The following CARMIL2 variants were observed in gnomAD, a reference collection of about 807,000 sequenced individuals.
CARMIL2 encodes the protein capping protein regulator and myosin 1 linker 2.
CARMIL2 carries 96 observed loss-of-function variants against 173.3 expected under a neutral mutation model. That is an observed-to-expected ratio of 0.55 (90% CI 0.47 to 0.66). The LOEUF is 0.66. Ranked by LOEUF, CARMIL2 falls within the 30% of genes least tolerant of loss-of-function variation. The pLI is 0.00. For missense variants in CARMIL2, 1,771 were observed against 1,906.7 expected (o/e 0.93, Z 1.33); for synonymous variants, 830 against 817.1 (o/e 1.02, Z -0.27).
chr16:67,654,311 C>T, intron 30 of CARMIL2, 21 bp from the exon 31 acceptor site: 2 of 1,584,528 alleles, frequency 1.3e-6, no homozygotes, highest in Non-Finnish European at 8.6e-7. Flanking sequence ...CTTTCTCGCT[C>T]ACTGCTGGGT....
chr16:67,648,637 G>A lies in CARMIL2; in HGVS notation c.1440-48G>A, dbSNP rs1234602686. 1 of 1,559,544 alleles carries A rather than the reference G, an allele frequency of 6.4e-7. No individual in the cohort carries two copies. On this transcript the variant is annotated intron_variant, in intron 15 of 37. Transcript: ENST00000334583. The surrounding 1 kb of genome is among the most constrained non-coding windows in gnomAD (Gnocchi z 6.1). ...CCCTGCCTCCTTCGTTCGCACCCTGGAGCCCCCTGTCCCAGCTCCCGCCAC... is the reference window on the plus strand; with the variant it reads ...CCCTGCCTCCTTCGTTCGCACCCTGAAGCCCCCTGTCCCAGCTCCCGCCAC...
intron 1 of CARMIL2, 88 bp from the exon 2 acceptor site, chr16:67,645,452 G>C: frequency 7.2e-7 from 1 of 1,397,648 alleles, no homozygotes; most frequent in Non-Finnish European, 9.9e-7. Flanking sequence ...CCGCAGATAA[G>C]CCCCAGGGCC....
chr16:67,651,657 C>T lies in CARMIL2; in HGVS notation c.2428-28C>T, dbSNP rs1175348409. 4 of 1,600,710 alleles carry T rather than the reference C, an allele frequency of 2.5e-6. No individual in the cohort carries two copies. The highest frequency in any genetic ancestry group is 3.4e-6 in the Non-Finnish European group (4 of 1,174,318). ...GCAGCCTGGTGTCTGGCCACATCCT[C>T]ACCATGCTCTGACTGACCTTTGTCT... On this transcript the variant is annotated intron_variant, in intron 24 of 37. Transcript: ENST00000334583. The surrounding 1 kb of genome is among the most constrained non-coding windows in gnomAD (Gnocchi z 4.2).
In CARMIL2 at chr16:67,649,441, C is replaced by A; in HGVS notation, c.1747-6C>A. The A allele has an allele frequency of 6.8e-6, 11 of 1,612,112 alleles. No homozygotes were observed. The highest frequency in any genetic ancestry group is 9.3e-6 in the Non-Finnish European group (11 of 1,179,886). On this transcript the variant is annotated splice_region_variant and splice_polypyrimidine_tract_variant and intron_variant, in intron 19 of 37. Coordinates refer to ENST00000334583, the MANE Select transcript of CARMIL2 (RefSeq NM_001013838.3). This position sits in a 1 kb window ranked among gnomAD's most constrained non-coding sequence, Gnocchi z 6.7. ...CCAGCCATCAATGGCTTTCTCTTAA[C>A]CCCAGCCTCTTCAGTCTCTGTCGGT...
In CARMIL2 at chr16:67,654,292, C is replaced by T. The variant is rs542264498; in HGVS notation, c.3222-40C>T. ...GCTGGGGGTGGGAGAGGGTGGGATGCCTGATGGGCTTTCTCGCTCACTGCT... is the reference window on the plus strand; with the variant it reads ...GCTGGGGGTGGGAGAGGGTGGGATGTCTGATGGGCTTTCTCGCTCACTGCT... On this transcript the variant is annotated intron_variant, in intron 30 of 37. Coordinates refer to ENST00000334583, the MANE Select transcript of CARMIL2 (RefSeq NM_001013838.3). The T allele has an allele frequency of 4.4e-6, 7 of 1,577,270 alleles. No homozygotes were observed. The Admixed American group carries it at 5.5e-5, about 12-fold the overall frequency.
rs1320402339 is a variant in CARMIL2, at chr16:67,654,589, C to T, written c.3479C>T (p.Pro1160Leu). 6.2e-7 allele frequency: 1 copy of T among 1,608,172 alleles called. No homozygotes were observed. The highest frequency in any genetic ancestry group is 8.5e-7 in the Non-Finnish European group (1 of 1,177,040). ...GAGGGGGACACCAGCAGCCCTGACC[C>T]TGCCGGCAGGAGCCGACCTCGCTAC... ...GAEGDTSSPD[P>L]AGRSRPRYTR... The change falls in exon 31 of 38, where the codon CCT becomes CTT. Residue 1160 changes from proline to leucine, a missense_variant. Around this residue, in one of 3 missense-constraint regions of CARMIL2, gnomAD observed 817 missense variants for 903.5 expected, o/e 0.90. Coordinates refer to ENST00000334583, the MANE Select transcript of CARMIL2 (RefSeq NM_001013838.3).
chr16:67,645,156 T>G lies in CARMIL2; in HGVS notation c.-91T>G. ...CCGCCGGAGGAGCAGGTGGCTGCCG[T>G]GCGGGTCTGGGCCCCAGGCTTCCTG... On this transcript the variant is annotated 5_prime_UTR_variant, in exon 1 of 38. Coordinates refer to ENST00000334583, the MANE Select transcript of CARMIL2 (RefSeq NM_001013838.3). 4.1e-6 allele frequency: 4 copies of G among 975,816 alleles called. No individual in the cohort carries two copies. Among genetic ancestry groups the G allele is most frequent in the Non-Finnish European group, 6.0e-6 (4 of 672,182 alleles). The allele number at this position is 975,816 out of a possible 1,614,324, so 60.4% of individuals were successfully genotyped here.
Position 67,652,338 on chromosome 16 carries a change from A to G in CARMIL2, c.2816A>G (p.Lys939Arg), listed in dbSNP as rs2052741915. The G allele has an allele frequency of 1.9e-6, 3 of 1,613,248 alleles. No individual in the cohort carries two copies. Among genetic ancestry groups the G allele is most frequent in the Admixed American group, 1.7e-5 (1 of 60,000 alleles). Residue 939 changes from lysine (K) to arginine (R), a missense_variant and splice_region_variant, in exon 27 of 38, where the codon AAG (lysine) becomes AGG (arginine). Around this residue, in one of 3 missense-constraint regions of CARMIL2, gnomAD observed 817 missense variants for 903.5 expected, o/e 0.90. Transcript: ENST00000334583. This position sits in a 1 kb window ranked among gnomAD's most constrained non-coding sequence, Gnocchi z 4.7. ...FPEEKEEEKE[K>R]DDSPPQKWPE... Reference sequence around the variant, plus strand: ...GAGGAGAAGGAAGAGGAGAAGGAGAAGGTAAGTGGTTTTAGAACACGGGGC... The same window carrying G: ...GAGGAGAAGGAAGAGGAGAAGGAGAGGGTAAGTGGTTTTAGAACACGGGGC...
Position 67,649,717 on chromosome 16 carries a change from G to T in CARMIL2, c.1920-89G>T. ...GGGACTGAATGAGGCGGAGCAAATG[G>T]AGCAGGCTGACGAGGCGAATGGACT... On this transcript the variant is annotated intron_variant, in intron 20 of 37. Coordinates refer to ENST00000334583, the MANE Select transcript of CARMIL2 (RefSeq NM_001013838.3). The surrounding 1 kb of genome is among the most constrained non-coding windows in gnomAD (Gnocchi z 6.7). 2 of 1,567,436 alleles carry T rather than the reference G, an allele frequency of 1.3e-6. No homozygotes were observed. Among genetic ancestry groups the T allele is most frequent in the Non-Finnish European group, 8.6e-7 (1 of 1,156,370 alleles).
intron 12 of CARMIL2, 30 bp downstream of exon 12, chr16:67,647,796 A>AGG (rs1382370895): frequency 3.2e-5 from 5 of 156,798 alleles, no homozygotes; most frequent in African/African-American, 2.1e-4. Context: ...GGGTGAGGGG[A>AGG]GGGGGGTGGG....
Position 67,645,154 on chromosome 16 carries a change from C to T in CARMIL2, c.-93C>T. ...CGCCGCCGGAGGAGCAGGTGGCTGCCGTGCGGGTCTGGGCCCCAGGCTTCC... is the reference window on the plus strand; with the variant it reads ...CGCCGCCGGAGGAGCAGGTGGCTGCTGTGCGGGTCTGGGCCCCAGGCTTCC... On this transcript the variant is annotated 5_prime_UTR_variant, in exon 1 of 38. Transcript: ENST00000334583. The T allele has an allele frequency of 1.1e-6, 1 of 931,106 alleles. No homozygotes were observed. The highest frequency in any genetic ancestry group is 1.7e-5 in the South Asian group (1 of 59,782). The allele number at this position is 931,106 out of a possible 1,614,324, so 57.7% of individuals were successfully genotyped here.
In CARMIL2 at chr16:67,651,682, T is replaced by C. The variant is rs775047408; in HGVS notation, c.2428-3T>C. The C allele has an allele frequency of 6.0e-5, 96 of 1,605,498 alleles. No individual in the cohort carries two copies. The highest frequency in any genetic ancestry group is 7.0e-5 in the Non-Finnish European group (82 of 1,176,774). On this transcript the variant is annotated splice_region_variant and splice_polypyrimidine_tract_variant and intron_variant, in intron 24 of 37. Transcript: ENST00000334583. This position sits in a 1 kb window ranked among gnomAD's most constrained non-coding sequence, Gnocchi z 4.2. ...CACCATGCTCTGACTGACCTTTGTC[T>C]AGGACTTCACTCAGGCCACACTGGA...
At chr16:67,656,364 G>A (rs1597762468) in intron 34 of CARMIL2, 60 bp from the exon 35 acceptor site, 38 of 1,608,974 alleles carry the variant, frequency 2.4e-5, no homozygotes, top group Non-Finnish European at 3.1e-5. Context: ...GGGTCAGACT[G>A]TTGTTCAGAC....
chr16:67,649,194 G>C lies in CARMIL2; in HGVS notation c.1688+22G>C. 3.1e-6 allele frequency: 5 copies of C among 1,612,758 alleles called. No homozygotes were observed. Among genetic ancestry groups the C allele is most frequent in the Non-Finnish European group, 4.2e-6 (5 of 1,179,416 alleles). ...GCAAGTGAGCCCCCACCCTACTCCTGGGCCTCCCAGACAACACCCCACCAC... is the reference window on the plus strand; with the variant it reads ...GCAAGTGAGCCCCCACCCTACTCCTCGGCCTCCCAGACAACACCCCACCAC... On this transcript the variant is annotated intron_variant, in intron 18 of 37. Transcript: ENST00000334583. The surrounding 1 kb of genome is among the most constrained non-coding windows in gnomAD (Gnocchi z 6.7).
In CARMIL2 at chr16:67,646,700, T is replaced by C; in HGVS notation, c.467-14T>C. On this transcript the variant is annotated splice_polypyrimidine_tract_variant and intron_variant, in intron 6 of 37. Coordinates refer to ENST00000334583, the MANE Select transcript of CARMIL2 (RefSeq NM_001013838.3). The surrounding 1 kb of genome is among the most constrained non-coding windows in gnomAD (Gnocchi z 4.6). The stretch of plus-strand genomic sequence containing the variant: ...TCTCTCCTTTTCCACATCGCACCCC[T>C]ATCCCCTCCCCAGGTGGCTTCTTGG... 3 of 1,613,606 alleles carry C rather than the reference T, an allele frequency of 1.9e-6. No individual in the cohort carries two copies. Among genetic ancestry groups the C allele is most frequent in the Non-Finnish European group, 1.7e-6 (2 of 1,179,576 alleles).
rs2052647483 is a variant in CARMIL2 at position 67,648,566 on chromosome 16, C to A, written c.1439+64C>A. On this transcript the variant is annotated intron_variant, in intron 15 of 37. Coordinates refer to ENST00000334583, the MANE Select transcript of CARMIL2 (RefSeq NM_001013838.3). The surrounding 1 kb of genome is among the most constrained non-coding windows in gnomAD (Gnocchi z 6.1). ...CCACCCTGCCCTGGCCTTCGCCCCTCCCCGCTCCTGCTTCTGTCGCTCCCA... is the reference window on the plus strand; with the variant it reads ...CCACCCTGCCCTGGCCTTCGCCCCTACCCGCTCCTGCTTCTGTCGCTCCCA... 1.4e-6 allele frequency: 2 copies of A among 1,463,996 alleles called. No individual in the cohort carries two copies. The highest frequency in any genetic ancestry group is 1.9e-6 in the Non-Finnish European group (2 of 1,078,690). The allele number at this position is 1,463,996 out of a possible 1,614,324, so 90.7% of individuals were successfully genotyped here.
Position 67,645,609 on chromosome 16 carries a change from G to A in CARMIL2, c.110G>A (p.Gly37Asp). The change falls in exon 2 of 38, where the codon GGT (glycine) becomes GAT (aspartate). Residue 37 changes from glycine to aspartate, a missense_variant. This residue lies in a region of CARMIL2 where 944 missense variants were observed against 975.6 expected (regional missense o/e 0.97). Coordinates refer to ENST00000334583, the MANE Select transcript of CARMIL2 (RefSeq NM_001013838.3). ...LLLKTWLPGE[G>D]AVQNHVLALL... The stretch of plus-strand genomic sequence containing the variant: ...CTGAAAACCTGGCTACCCGGGGAGG[G>A]TGCTGTGCAAAACCATGTCCTGGTA... 2 of 1,613,588 alleles carry A rather than the reference G, an allele frequency of 1.2e-6. No homozygotes were observed. Among genetic ancestry groups the A allele is most frequent in the South Asian group, 1.1e-5 (1 of 91,078 alleles).
At chr16:67,645,420 C>T (rs1308263028) in intron 1 of CARMIL2, 120 bp from the exon 2 acceptor site, 3 of 1,346,014 alleles carry the variant, frequency 2.2e-6, no homozygotes, top group Admixed American at 2.0e-5. Context: ...GCCCCAGATC[C>T]TCTCCCCTCC....
In CARMIL2 at chr16:67,657,317, G is replaced by GT; in HGVS notation, c.4195+2dup. On this transcript the variant is annotated splice_donor_variant, in intron 37 of 37. Transcript: ENST00000334583. LOFTEE classifies it high-confidence loss of function. This position sits in a 1 kb window ranked among gnomAD's most constrained non-coding sequence, Gnocchi z 4.5. Reference sequence around the variant, plus strand: ...GAGGCACCTCCATCCCCAAGCCTAGGTAAGAGGGGGTCCAGGCCAGCTGGG... The same window carrying GT: ...GAGGCACCTCCATCCCCAAGCCTAGGTTAAGAGGGGGTCCAGGCCAGCTGGG... The GT allele has an allele frequency of 6.2e-7, 1 of 1,613,646 alleles. No homozygotes were observed. The highest frequency in any genetic ancestry group is 8.5e-7 in the Non-Finnish European group (1 of 1,179,768).
Sources: allele counts gnomAD v4.1 joint callset, GRCh38; gene constraint gnomAD v4.1.1; regional missense constraint gnomAD v4.1.1; non-coding constraint Gnocchi (gnomAD v3.1); transcripts MANE v1.5; gene names NCBI Gene and HGNC (gene_info 2026-07-23, HGNC 2026-07-21).